The following ARID3B variants were observed in gnomAD, a reference collection of about 807,000 sequenced individuals.
ARID3B encodes the protein AT-rich interactive domain-containing protein 3B.
Under a neutral mutation model 51.9 loss-of-function variants are expected in ARID3B, and 10 were observed. The observed-to-expected ratio is 0.19, with a 90% CI of 0.12 to 0.33. The LOEUF is 0.33. Ranked by LOEUF, ARID3B falls within the 10% of genes least tolerant of loss-of-function variation. ARID3B has a pLI of 1.00. For synonymous variants in ARID3B, 205 were observed against 279.5 expected, an observed-to-expected ratio of 0.73 and a Z score of 2.66; for missense variants, 483 against 716.3, an observed-to-expected ratio of 0.67 and a Z score of 3.72.
At chr15:74,587,277 C>G (rs1450457931) in intron 4 of ARID3B, among the ~76,000 whole-genome samples, 2 of 152,144 alleles carry the variant, frequency 1.3e-5, no homozygotes, top group Non-Finnish European at 2.9e-5. Flanking sequence ...AGGGCCTGGA[C>G]CAGGATGGTG....
At chr15:74,556,067 C>G (rs1243621181) in intron 2 of ARID3B, among the ~76,000 whole-genome samples, 1 of 152,164 alleles carries the variant, frequency 6.6e-6, no homozygotes, top group East Asian at 1.9e-4. Context: ...GCTGGGATTA[C>G]AGGCTTGAGC....
At chr15:74,551,328 T>G (rs1232324352) in intron 2 of ARID3B, among the ~76,000 whole-genome samples, 1 of 152,258 alleles carries the variant, frequency 6.6e-6, no homozygotes, top group African/African-American at 2.4e-5. Context: ...TTCAGGATTA[T>G]GTGAGCTTAA....
chr15:74,546,954 T>A (rs1217348287), intron 2 of ARID3B, among the ~76,000 whole-genome samples: 1 of 151,450 alleles, frequency 6.6e-6, no homozygotes, highest in Non-Finnish European at 1.5e-5. Flanking sequence ...ATTTTAAAAC[T>A]TTTTTTTTAG....
At chr15:74,561,967 T>G (rs960607291) in intron 2 of ARID3B, among the ~76,000 whole-genome samples, 14 of 150,912 alleles carry the variant, frequency 9.3e-5, no homozygotes, top group Non-Finnish European at 1.0e-4. Context: ...TGTAGGCTAA[T>G]ATATGTGTTC....
intron 2 of ARID3B, among the ~76,000 whole-genome samples, chr15:74,548,474 A>G (rs886079758): frequency 6.6e-6 from 1 of 152,248 alleles, no homozygotes; most frequent in Non-Finnish European, 1.5e-5. Flanking sequence ...TTCACAGCCA[A>G]TTCAGTTGAA....
chr15:74,564,827 C>T (rs1256704080), intron 2 of ARID3B, among the ~76,000 whole-genome samples: 1 of 151,996 alleles, frequency 6.6e-6, no homozygotes, highest in African/African-American at 2.4e-5. Context: ...TCTCAAACTC[C>T]TGGGCTCAAG....
intron 2 of ARID3B, among the ~76,000 whole-genome samples, chr15:74,568,482 G>A (rs2061707409): frequency 6.6e-6 from 1 of 152,144 alleles, no homozygotes; most frequent in Non-Finnish European, 1.5e-5. Context: ...AGCTCTTTGA[G>A]CCATTGTTTT....
rs192174171 is a variant in ARID3B at position 74,557,021 on chromosome 15, C to T, written c.552+12533C>T. Among the ~76,000 whole-genome samples, 6 of 151,914 alleles carry T rather than the reference C, an allele frequency of 3.9e-5. No homozygotes were observed. In the South Asian group the frequency reaches 6.2e-4, roughly 16 times the overall value. ...CGAACTCCTGACCTCGTGATCCACC[C>T]GCTTCGGCCTCCCAAAGTGCTAGGA... is the stretch of plus-strand genomic sequence containing the variant. On this transcript the variant is annotated intron_variant, in intron 2 of 8. Transcript: ENST00000346246.
intron 2 of ARID3B, 84 bp downstream of exon 2, chr15:74,544,572 C>T (rs2061608627): frequency 1.4e-6 from 2 of 1,418,996 alleles, no homozygotes; most frequent in Non-Finnish European, 1.9e-6. Context: ...GGGGCTGTGC[C>T]AGTCTGTGCC....
At chr15:74,571,807 A>C (rs1728640696) in intron 2 of ARID3B, among the ~76,000 whole-genome samples, 1 of 152,170 alleles carries the variant, frequency 6.6e-6, no homozygotes, top group Admixed American at 6.5e-5. Flanking sequence ...TGGAGGAATA[A>C]GAGTTACTGG....
chr15:74,544,032 C>T lies in ARID3B; in HGVS notation c.96C>T (p.Gly32=). ...AGATGGATGCCAGAGAGAAGCAGGG[C>T]CAGCAGATGAGAGAAGCCCAGTTCT... ...PLQMDAREKQ[G]QQMREAQFLY... The change falls in exon 2 of 9, where the codon GGC becomes GGT. Residue 32 remains glycine, a synonymous_variant. Coordinates refer to ENST00000346246, the MANE Select transcript of ARID3B (RefSeq NM_006465.4). 6.2e-7 allele frequency: 1 copy of T among 1,612,356 alleles called. No individual in the cohort carries two copies. The highest frequency in any genetic ancestry group is 1.1e-5 in the South Asian group (1 of 90,794).
chr15:74,554,594 T>G (rs1043295719), intron 2 of ARID3B, among the ~76,000 whole-genome samples: 1 of 152,240 alleles, frequency 6.6e-6, no homozygotes, highest in Non-Finnish European at 1.5e-5. Flanking sequence ...TGAGCCACAG[T>G]GCCTGGTCAT....
chr15:74,557,253 GAAAA>G (rs916518478), intron 2 of ARID3B, among the ~76,000 whole-genome samples: 5 of 141,252 alleles, frequency 3.5e-5, no homozygotes, highest in Non-Finnish European at 7.8e-5. Context: ...TGTCTCTACC[GAAAA>G]AAAAAAAAAT....
intron 4 of ARID3B, among the ~76,000 whole-genome samples, chr15:74,577,968 G>A (rs527961907): frequency 4.6e-5 from 7 of 151,848 alleles, no homozygotes; most frequent in African/African-American, 1.4e-4. Context: ...AGTGATTCTC[G>A]TGCCTCAGCC....
At chr15:74,546,764 C>T (rs984015824) in intron 2 of ARID3B, among the ~76,000 whole-genome samples, 1 of 152,176 alleles carries the variant, frequency 6.6e-6, no homozygotes, top group Admixed American at 6.5e-5. Flanking sequence ...ATCCCTCACC[C>T]AAAATTTACC....
At chr15:74,579,868 TGTGTGC>T (rs1346717486) in intron 4 of ARID3B, among the ~76,000 whole-genome samples, 2,367 of 124,948 alleles carry the variant, frequency 0.019, 49 homozygotes, top group African/African-American at 0.08. Context: ...TGTGTGTGTG[TGTGTGC>T]GCGCGCGCGC....
intron 2 of ARID3B, among the ~76,000 whole-genome samples, chr15:74,547,402 C>G (rs1276223362): frequency 6.6e-6 from 1 of 152,090 alleles, no homozygotes; most frequent in East Asian, 1.9e-4. Flanking sequence ...AGGCTGGTCT[C>G]AAACTCCTGA....
At chr15:74,581,699 G>A (rs1290067145) in intron 4 of ARID3B, among the ~76,000 whole-genome samples, 3 of 152,146 alleles carry the variant, frequency 2.0e-5, no homozygotes, top group Non-Finnish European at 4.4e-5. Context: ...CACGATCATA[G>A]GAAGGGAGTC....
rs375915128 is a variant in ARID3B at position 74,566,707 on chromosome 15, T to C, written c.553-6155T>C. ...CTGGTTCCAAATCTTCATTGTAGGGTGGAAAGCAAATGATAAGTCGTGACA... is the reference window on the plus strand; with the variant it reads ...CTGGTTCCAAATCTTCATTGTAGGGCGGAAAGCAAATGATAAGTCGTGACA... On this transcript the variant is annotated intron_variant, in intron 2 of 8. Coordinates refer to ENST00000346246, the MANE Select transcript of ARID3B (RefSeq NM_006465.4). Among the ~76,000 whole-genome samples, 8 of 151,956 alleles carry C rather than the reference T, an allele frequency of 5.3e-5. No individual in the cohort carries two copies. In the East Asian group the frequency reaches 1.3e-3, roughly 26 times the overall value.
Sources: allele counts gnomAD v4.1 joint callset (sites outside exome capture counted in the v4.1 genomes callset), GRCh38; gene constraint gnomAD v4.1.1; transcripts MANE v1.5; gene names NCBI Gene and HGNC (gene_info 2026-07-23, HGNC 2026-07-21).